LMOD1: variants seen among roughly 807,000 people sequenced by gnomAD.
LMOD1 encodes leiomodin-1.
In LMOD1, 8 loss-of-function variants were observed where a neutral mutation model predicts 36.5. The ratio of observed to expected loss-of-function variants is 0.22; its 90% CI spans 0.13 to 0.40. LMOD1 has a LOEUF of 0.40. Among genes scored for constraint, LMOD1 ranks in the 10% least tolerant of loss-of-function variants. The pLI is 1.00. For synonymous variants in LMOD1, 284 were observed against 288.7 expected (o/e 0.98, Z 0.17); for missense variants, 630 against 751.1 (o/e 0.84, Z 1.88).
rs922622827 is a variant in LMOD1 at position 201,946,477 on chromosome 1, G to T, written c.-137C>A. The T allele has an allele frequency of 2.4e-6, 2 of 845,940 alleles. No individual in the cohort carries two copies. Among genetic ancestry groups the T allele is most frequent in the South Asian group, 1.7e-5 (1 of 58,080 alleles). 52.4% of individuals were successfully genotyped at this position (845,940 alleles called of 1,614,324 possible). On this transcript the variant is annotated 5_prime_UTR_variant, in exon 1 of 3. Coordinates refer to ENST00000367288, the MANE Select transcript of LMOD1 (RefSeq NM_012134.3). ...GCTGGTCGAGGACTGCAGCTCCTTG[G>T]CCCTTCTGTGCTACAGGTGCTGAAG...
intron 1 of LMOD1, among the ~76,000 whole-genome samples, chr1:201,911,020 C>T (rs1681488114): frequency 6.6e-6 from 1 of 152,114 alleles, no homozygotes; most frequent in South Asian, 2.1e-4. Flanking sequence ...CTATGCTGTG[C>T]TCCCCACGGT....
chr1:201,920,594 G>A (rs1681687853), intron 1 of LMOD1, among the ~76,000 whole-genome samples: 2 of 152,140 alleles, frequency 1.3e-5, no homozygotes, highest in African/African-American at 4.8e-5. Context: ...ACAATTAGGA[G>A]GTGGGTCTGG....
chr1:201,916,658 G>A (rs1172504943), intron 1 of LMOD1, among the ~76,000 whole-genome samples: 1 of 152,208 alleles, frequency 6.6e-6, no homozygotes, highest in Non-Finnish European at 1.5e-5. Context: ...GTGGTGTGGG[G>A]AGGAGGGATG....
chr1:201,919,187 C>T (rs933642839), intron 1 of LMOD1, among the ~76,000 whole-genome samples: 1 of 151,644 alleles, frequency 6.6e-6, no homozygotes, highest in Admixed American at 6.6e-5. Flanking sequence ...CCATGCCTGG[C>T]CTCAGTGTGT....
At chr1:201,900,989 A>G (rs1681290564) in intron 1 of LMOD1, among the ~76,000 whole-genome samples, 1 of 152,174 alleles carries the variant, frequency 6.6e-6, no homozygotes, top group African/African-American at 2.4e-5. Flanking sequence ...GAGACAACCA[A>G]ACAAATACCT....
chr1:201,934,949 T>C (rs1049053967), intron 1 of LMOD1, among the ~76,000 whole-genome samples: 2 of 152,226 alleles, frequency 1.3e-5, no homozygotes. Context: ...GCCTCAGCCC[T>C]CTGCTCTCCT....
chr1:201,912,174 G>A (rs970631803), intron 1 of LMOD1, among the ~76,000 whole-genome samples: 11 of 152,142 alleles, frequency 7.2e-5, no homozygotes, highest in Admixed American at 6.5e-4. Context: ...TAAATGGATG[G>A]AGCAGAGCAT....
At chr1:201,935,466 C>T (rs1446363718) in intron 1 of LMOD1, among the ~76,000 whole-genome samples, 3 of 152,128 alleles carry the variant, frequency 2.0e-5, no homozygotes, top group Non-Finnish European at 2.9e-5. Flanking sequence ...TGCTGTTTCC[C>T]ATGGCAGTAA....
chr1:201,910,744 CTTT>C (rs58506647), intron 1 of LMOD1, among the ~76,000 whole-genome samples: 11 of 49,050 alleles, frequency 2.2e-4, no homozygotes, highest in Admixed American at 7.1e-4. Flanking sequence ...TGGTGTCATT[CTTT>C]TTTTTTTTTT....
chr1:201,914,115 A>AT (rs1203469644), intron 1 of LMOD1, among the ~76,000 whole-genome samples: 5 of 152,138 alleles, frequency 3.3e-5, no homozygotes, highest in African/African-American at 1.2e-4. Flanking sequence ...CACGTCAGTC[A>AT]TCACCTTGCC....
Position 201,897,173 on chromosome 1 carries a change from C to CTTTTT in LMOD1, c.*1198_*1199insAAAAA. 4.4e-6 allele frequency: 1 copy of CTTTTT among 226,846 alleles called. No homozygotes were observed. Among genetic ancestry groups the CTTTTT allele is most frequent in the Non-Finnish European group, 9.0e-6 (1 of 111,282 alleles). 14.1% of individuals were successfully genotyped at this position (226,846 alleles called of 1,614,324 possible). On this transcript the variant is annotated 3_prime_UTR_variant, in exon 3 of 3. Transcript: ENST00000367288. ...GATGAGGCCCCTCTGAGCCCTAGGGCACACAGATATGGGTGCTATTCTCCA... is the reference window on the plus strand; with the variant it reads ...GATGAGGCCCCTCTGAGCCCTAGGGCTTTTTACACAGATATGGGTGCTATTCTCCA...
chr1:201,900,165 T>C lies in LMOD1; in HGVS notation c.848A>G (p.Lys283Arg). 1 of 1,613,996 alleles carries C rather than the reference T, an allele frequency of 6.2e-7. No individual in the cohort carries two copies. The highest frequency in any genetic ancestry group is 1.3e-5 in the African/African-American group (1 of 75,048). ...KNEPLHEKEA[K>R]DDSKTKTPEK... The stretch of plus-strand genomic sequence containing the variant: ...GGGTGTTTTGGTCTTGCTGTCATCC[T>C]TGGCTTCCTTTTCATGTAAGGGTTC... Residue 283 changes from lysine (K) to arginine (R), a missense_variant, in exon 2 of 3, where the codon AAG becomes AGG. Lys to Arg is a conservative substitution (Grantham distance 26). This residue lies in a region of LMOD1 where 405 missense variants were observed against 400.6 expected (regional missense o/e 1.01). Transcript: ENST00000367288.
chr1:201,938,076 G>A (rs1260549278), intron 1 of LMOD1, among the ~76,000 whole-genome samples: 7 of 151,844 alleles, frequency 4.6e-5, no homozygotes, highest in Admixed American at 4.6e-4. Flanking sequence ...AGTGCTTTAT[G>A]TGGATTATTT....
chr1:201,924,005 GAAAAGAAAGA>G (rs1268892565), intron 1 of LMOD1, among the ~76,000 whole-genome samples: 1 of 150,844 alleles, frequency 6.6e-6, no homozygotes, highest in Non-Finnish European at 1.5e-5. Flanking sequence ...GAAAGAAAGA[GAAAAGAAAGA>G]AAAAGAAAAG....
At chr1:201,904,432 A>C (rs1193429920) in intron 1 of LMOD1, among the ~76,000 whole-genome samples, 1 of 152,014 alleles carries the variant, frequency 6.6e-6, no homozygotes, top group Non-Finnish European at 1.5e-5. Flanking sequence ...CTGGTCCCGA[A>C]CTCCTGACCT....
chr1:201,917,869 G>T (rs912949238), intron 1 of LMOD1, among the ~76,000 whole-genome samples: 10 of 152,192 alleles, frequency 6.6e-5, no homozygotes, highest in African/African-American at 2.4e-4. Flanking sequence ...CAGGAGGCCT[G>T]GCTTTCATAC....
At chr1:201,938,817 T>C (rs7533340) in intron 1 of LMOD1, among the ~76,000 whole-genome samples, 7,577 of 152,314 alleles carry the variant, frequency 0.05, 391 homozygotes, top group African/African-American at 0.13. Context: ...CGGCTTGTTC[T>C]TTCTGCAGTG....
Position 201,916,853 on chromosome 1 carries a change from C to T in LMOD1, c.262-16102G>A, listed in dbSNP as rs536361896. ...AGGGCCAAAGGGTCTCAGGCACTGC[C>T]TCCAGCTCCAGCATAAACAGAAACG... is the stretch of plus-strand genomic sequence containing the variant. On this transcript the variant is annotated intron_variant, in intron 1 of 2. Coordinates refer to ENST00000367288, the MANE Select transcript of LMOD1 (RefSeq NM_012134.3). Among the ~76,000 whole-genome samples the T allele has an allele frequency of 1.5e-3, 230 of 152,306 alleles. 1 individual carries two copies. The highest frequency in any genetic ancestry group is 2.6e-3 in the Non-Finnish European group (174 of 68,034).
At chr1:201,932,411 G>T (rs577470391) in intron 1 of LMOD1, among the ~76,000 whole-genome samples, 1 of 152,030 alleles carries the variant, frequency 6.6e-6, no homozygotes, top group Middle Eastern at 3.2e-3. Flanking sequence ...GGCAGAACAC[G>T]CTGAAAAGGT....
Sources: allele counts gnomAD v4.1 joint callset (sites outside exome capture counted in the v4.1 genomes callset), GRCh38; gene constraint gnomAD v4.1.1; regional missense constraint gnomAD v4.1.1; transcripts MANE v1.5; gene names NCBI Gene and HGNC (gene_info 2026-07-23, HGNC 2026-07-21).